Variants in KIAA1328 observed in about 807,000 individuals in gnomAD.
KIAA1328 encodes the protein protein hinderin.
A neutral mutation model predicts 68.1 loss-of-function variants in KIAA1328; 52 were observed. The ratio of observed to expected loss-of-function variants is 0.76; its 90% CI spans 0.61 to 0.96. KIAA1328 has a LOEUF of 0.96. Ranked by LOEUF, KIAA1328 falls within the 40% of genes least tolerant of loss-of-function variation. The probability of loss-of-function intolerance (pLI) is 0.00; values close to 1 mark genes in which losing one functional copy is unlikely to be tolerated. For missense variants in KIAA1328, 641 were observed against 677.6 expected (o/e 0.95, Z 0.60); for synonymous variants, 232 against 239.4 (o/e 0.97, Z 0.28).
chr18:36,851,831 CTT>C (rs1277140331), intron 4 of KIAA1328, among the ~76,000 whole-genome samples: 2 of 143,956 alleles, frequency 1.4e-5, no homozygotes, highest in African/African-American at 5.2e-5. Flanking sequence ...TGGCTTTTTA[CTT>C]AGTTTGCTTT....
chr18:36,843,205 A>G (rs987380325), intron 3 of KIAA1328, among the ~76,000 whole-genome samples: 1 of 152,150 alleles, frequency 6.6e-6, no homozygotes, highest in Non-Finnish European at 1.5e-5. Flanking sequence ...TTGCACATGA[A>G]TGGTTTGCTG....
At chr18:37,074,303 T>A (rs183160420) in intron 7 of KIAA1328, among the ~76,000 whole-genome samples, 4 of 152,292 alleles carry the variant, frequency 2.6e-5, no homozygotes, top group Admixed American at 2.6e-4. Flanking sequence ...ACATTGTTGT[T>A]TTTCTGCCCC....
At chr18:37,065,514 C>G (rs1466013416) in intron 6 of KIAA1328, among the ~76,000 whole-genome samples, 1 of 152,176 alleles carries the variant, frequency 6.6e-6, no homozygotes, top group Non-Finnish European at 1.5e-5. Context: ...AACACATTTT[C>G]AAACAACCCA....
intron 6 of KIAA1328, among the ~76,000 whole-genome samples, chr18:37,057,732 G>A (rs977700574): frequency 3.3e-5 from 5 of 152,010 alleles, no homozygotes; most frequent in African/African-American, 1.2e-4. Flanking sequence ...ACCACGCCTG[G>A]CCTGCATGAA....
At chr18:36,841,402 A>G (rs1051213755) in intron 3 of KIAA1328, among the ~76,000 whole-genome samples, 2 of 151,406 alleles carry the variant, frequency 1.3e-5, no homozygotes, top group Non-Finnish European at 3.0e-5. Flanking sequence ...TATTGGGTCA[A>G]TAGACTGTCA....
chr18:36,965,008 C>T (rs2051859583), intron 6 of KIAA1328, among the ~76,000 whole-genome samples: 1 of 151,804 alleles, frequency 6.6e-6, no homozygotes, highest in African/African-American at 2.4e-5. Context: ...TTCCTCAGTA[C>T]TGTTTGTAAT....
At chr18:36,884,394 A>G (rs2048427137) in intron 4 of KIAA1328, among the ~76,000 whole-genome samples, 1 of 152,224 alleles carries the variant, frequency 6.6e-6, no homozygotes, top group South Asian at 2.1e-4. Context: ...GAATGCTATG[A>G]TAAGCGAGAA....
intron 5 of KIAA1328, among the ~76,000 whole-genome samples, chr18:36,941,925 GA>G (rs1277422252): frequency 1.3e-5 from 2 of 151,578 alleles, no homozygotes; most frequent in East Asian, 1.9e-4. Flanking sequence ...GAAACATTAA[GA>G]AAAAAAAGAA....
chr18:37,028,782 T>C (rs1047549989), intron 6 of KIAA1328, among the ~76,000 whole-genome samples: 1 of 152,158 alleles, frequency 6.6e-6, no homozygotes, highest in African/African-American at 2.4e-5. Flanking sequence ...GGTGATCATG[T>C]GGTTTTTGGT....
At chr18:36,908,121 TTTAAC>T (rs2049289269) in intron 5 of KIAA1328, among the ~76,000 whole-genome samples, 1 of 152,116 alleles carries the variant, frequency 6.6e-6, no homozygotes, top group South Asian at 2.1e-4. Context: ...TTATATCAGT[TTTAAC>T]TAACTTGCAA....
At chr18:36,868,919 T>TA (rs2047848386) in intron 4 of KIAA1328, among the ~76,000 whole-genome samples, 1 of 152,146 alleles carries the variant, frequency 6.6e-6, no homozygotes. Context: ...ATTATTATTT[T>TA]ATATTTATTC....
At chr18:37,202,713 A>G (rs905938192) in intron 9 of KIAA1328, among the ~76,000 whole-genome samples, 17 of 152,184 alleles carry the variant, frequency 1.1e-4, no homozygotes, top group African/African-American at 3.6e-4. Context: ...AGAATTTAAG[A>G]ATATCATACA....
At chr18:36,974,866 G>A (rs1047393703) in intron 6 of KIAA1328, among the ~76,000 whole-genome samples, 3 of 152,114 alleles carry the variant, frequency 2.0e-5, no homozygotes, top group African/African-American at 7.2e-5. Context: ...TCTGTCATAG[G>A]GCATTGTGTG....
At chr18:37,014,469 G>A (rs2054081567) in intron 6 of KIAA1328, among the ~76,000 whole-genome samples, 1 of 152,292 alleles carries the variant, frequency 6.6e-6, no homozygotes, top group South Asian at 2.1e-4. Flanking sequence ...GTATTAGTTT[G>A]TTCTCGCATT....
intron 7 of KIAA1328, among the ~76,000 whole-genome samples, chr18:37,080,152 A>G (rs1026616138): frequency 3.3e-5 from 5 of 152,196 alleles, no homozygotes; most frequent in African/African-American, 1.2e-4. Flanking sequence ...CTAAAAATGT[A>G]TACCATCTGG....
chr18:37,099,897 C>A (rs2057544789), intron 7 of KIAA1328, among the ~76,000 whole-genome samples: 5 of 152,236 alleles, frequency 3.3e-5, no homozygotes, highest in Admixed American at 2.6e-4. Flanking sequence ...AGGATTGCAA[C>A]CCCTGCCTTT....
chr18:37,152,945 C>G (rs1007678061), intron 7 of KIAA1328, among the ~76,000 whole-genome samples: 1 of 152,100 alleles, frequency 6.6e-6, no homozygotes, highest in Non-Finnish European at 1.5e-5. Flanking sequence ...GAAAAGGTTA[C>G]CTGGAGGCCA....
chr18:37,123,213 C>T (rs943505088), intron 7 of KIAA1328, among the ~76,000 whole-genome samples: 1 of 152,118 alleles, frequency 6.6e-6, no homozygotes, highest in Non-Finnish European at 1.5e-5. Context: ...AGAAGAAAAA[C>T]TGAATGTCTT....
intron 6 of KIAA1328, among the ~76,000 whole-genome samples, chr18:37,035,049 T>G (rs2054973657): frequency 6.6e-6 from 1 of 152,220 alleles, no homozygotes; most frequent in African/African-American, 2.4e-5. Context: ...GGAAAAGAAT[T>G]ATTTGTTCCA....
Sources: allele counts gnomAD v4.1 joint callset (sites outside exome capture counted in the v4.1 genomes callset), GRCh38; gene constraint gnomAD v4.1.1; transcripts MANE v1.5; gene names NCBI Gene and HGNC (gene_info 2026-07-23, HGNC 2026-07-21).